The following RDH12 variants were observed in gnomAD, a reference collection of about 807,000 sequenced individuals.
RDH12 encodes retinol dehydrogenase 12, also known as all-trans and 9-cis retinol dehydrogenase.
In RDH12, 21 loss-of-function variants were observed where a neutral mutation model predicts 34.0. The ratio of observed to expected loss-of-function variants is 0.62; its 90% confidence interval spans 0.44 to 0.89. The LOEUF (loss-of-function observed/expected upper bound fraction) is 0.89, where lower values mean the gene tolerates loss of function less well. Ranked by LOEUF, RDH12 falls within the 40% of genes least tolerant of loss-of-function variation. The pLI is 0.00. For synonymous variants in RDH12, 198 were observed against 169.9 expected, an observed-to-expected ratio of 1.17 and a Z score of -1.29; for missense variants, 394 against 398.6, an observed-to-expected ratio of 0.99 and a Z score of 0.10.
intron 8 of RDH12, chr14:67,729,623 C>A (rs2038241311): frequency 1.6e-6 from 1 of 623,064 alleles, no homozygotes; most frequent in Admixed American, 2.6e-5. Context: ...GAAAACTTTG[C>A]AGCTTTCTGA....
intron 2 of RDH12, among the ~76,000 whole-genome samples, chr14:67,722,181 C>T (rs1594863973): frequency 6.6e-6 from 1 of 152,122 alleles, no homozygotes; most frequent in Non-Finnish European, 1.5e-5. Context: ...TGGGAGTTTC[C>T]TTCCCATCCT....
At chr14:67,724,959 G>T in intron 4 of RDH12, 140 bp from the exon 5 acceptor site, 1 of 1,019,476 alleles carries the variant, frequency 9.8e-7, no homozygotes, top group Admixed American at 1.7e-5. Flanking sequence ...TGAAAAGCCC[G>T]AAGTGGCAAT....
In RDH12 at chr14:67,708,651, C is replaced by T. The variant is rs2037976498; in HGVS notation, c.-275+6716C>T. 2.0e-5 allele frequency among the ~76,000 whole-genome samples: 3 copies of T among 152,182 alleles called. No individual in the cohort carries two copies. The South Asian group carries it at 6.2e-4, about 32-fold the overall frequency. On this transcript the variant is annotated intron_variant, in intron 1 of 8. Transcript: ENST00000551171. Reference sequence around the variant, plus strand: ...ACAGGAGTTTCCCATGATTTTGGAACACATACCAGTAACATATTTATACAA... The same window carrying T: ...ACAGGAGTTTCCCATGATTTTGGAATACATACCAGTAACATATTTATACAA...
At chr14:67,724,813 C>T (rs1436126305) in intron 4 of RDH12, among the ~76,000 whole-genome samples, 7 of 152,154 alleles carry the variant, frequency 4.6e-5, no homozygotes, top group Non-Finnish European at 8.8e-5. Context: ...ATAAGGAAAA[C>T]GATGTCTGTG....
intron 1 of RDH12, 132 bp downstream of exon 1, chr14:67,702,067 T>G (rs1257064287): frequency 6.6e-6 from 1 of 152,180 alleles, no homozygotes; most frequent in African/African-American, 2.4e-5. Flanking sequence ...TCCACCTGCC[T>G]TGGCCTCCTA....
chr14:67,704,620 T>C (rs1268429634), intron 1 of RDH12, among the ~76,000 whole-genome samples: 1 of 152,168 alleles, frequency 6.6e-6, no homozygotes. Flanking sequence ...CATTTTAGCT[T>C]TGTGTGAGGA....
chr14:67,703,306 T>C (rs1327163277), intron 1 of RDH12, among the ~76,000 whole-genome samples: 4 of 152,218 alleles, frequency 2.6e-5, no homozygotes, highest in African/African-American at 9.7e-5. Context: ...GGTAAGGTAG[T>C]TCGATGGCAG....
At chr14:67,711,959 G>T (rs1221600686) in intron 1 of RDH12, among the ~76,000 whole-genome samples, 1 of 151,992 alleles carries the variant, frequency 6.6e-6, no homozygotes, top group African/African-American at 2.4e-5. Context: ...TGCTCTTGTT[G>T]CCCAGGCTGA....
At chr14:67,722,226 T>G (rs932260329) in intron 2 of RDH12, among the ~76,000 whole-genome samples, 198 bp from the exon 3 acceptor site, 2 of 152,116 alleles carry the variant, frequency 1.3e-5, no homozygotes, top group Non-Finnish European at 2.9e-5. Flanking sequence ...CATCATGGGG[T>G]TTGTGGCTAA....
intron 2 of RDH12, among the ~76,000 whole-genome samples, chr14:67,721,213 G>C (rs2038119719): frequency 6.6e-6 from 1 of 152,176 alleles, no homozygotes; most frequent in Admixed American, 6.5e-5. Context: ...CTGGGGTCCT[G>C]TCCCAGCTCC....
intron 8 of RDH12, among the ~76,000 whole-genome samples, chr14:67,733,133 T>A (rs2038307013): frequency 1.3e-5 from 2 of 150,968 alleles, no homozygotes; most frequent in Admixed American, 6.6e-5. Context: ...ATAATAAAAT[T>A]AAAAAAAACA....
chr14:67,712,733 C>A (rs2140119601), intron 1 of RDH12, among the ~76,000 whole-genome samples: 1 of 152,166 alleles, frequency 6.6e-6, no homozygotes, highest in Non-Finnish European at 1.5e-5. Context: ...GATTTAGGAA[C>A]CAAACCTAGG....
intron 7 of RDH12, chr14:67,727,467 A>T: frequency 1.9e-5 from 7 of 371,226 alleles, no homozygotes; most frequent in East Asian, 6.4e-5. Context: ...CAACAGACAG[A>T]GGCTTTTTGT....
At chr14:67,710,844 G>A (rs1309749935) in intron 1 of RDH12, among the ~76,000 whole-genome samples, 2 of 151,434 alleles carry the variant, frequency 1.3e-5, no homozygotes, top group African/African-American at 4.9e-5. Context: ...TGATGAATGT[G>A]TCTACAAGTA....
At chr14:67,703,960 G>A (rs1381318594) in intron 1 of RDH12, among the ~76,000 whole-genome samples, 1 of 152,190 alleles carries the variant, frequency 6.6e-6, no homozygotes, top group African/African-American at 2.4e-5. Context: ...TTACAGGCGT[G>A]AGCCACTGTG....
chr14:67,726,449 G>A (rs2038186840), intron 6 of RDH12, among the ~76,000 whole-genome samples: 1 of 152,204 alleles, frequency 6.6e-6, no homozygotes, highest in South Asian at 2.1e-4. Flanking sequence ...GCCAGACCTG[G>A]GGTTATGCAG....
chr14:67,725,166 G>A lies in RDH12; in HGVS notation c.255G>A (p.Val85=). The change falls in exon 5 of 9, where the codon GTG becomes GTA. Residue 85 remains valine (V), a synonymous_variant. Transcript: ENST00000551171. Reference sequence around the variant, plus strand: ...AGTCTGCTGCCAGTGAAATCCGAGTGGATACAAAGAACTCCCAGGTGCTGG... The same window carrying A: ...AGTCTGCTGCCAGTGAAATCCGAGTAGATACAAAGAACTCCCAGGTGCTGG... The part of the protein sequence containing the change: ...KGESAASEIR[V]DTKNSQVLVR... The A allele has an allele frequency of 6.2e-7, 1 of 1,614,138 alleles. No homozygotes were observed. The highest frequency in any genetic ancestry group is 8.5e-7 in the Non-Finnish European group (1 of 1,180,022).
chr14:67,729,268 C>T lies in RDH12; in HGVS notation c.736C>T (p.Leu246=). ...ELVRHSSLLC[L]LWRLFSPFVK... is the part of the protein sequence containing the mutation. ...GGTCCGGCACTCCTCCCTGCTCTGCCTGCTCTGGCGGCTCTTCTCCCCCTT... is the reference window on the plus strand; with the variant it reads ...GGTCCGGCACTCCTCCCTGCTCTGCTTGCTCTGGCGGCTCTTCTCCCCCTT... Residue 246 remains leucine (L), a synonymous_variant, in exon 8 of 9, where the codon CTG becomes TTG. Transcript: ENST00000551171. 6.2e-7 allele frequency: 1 copy of T among 1,607,614 alleles called. No homozygotes were observed. Among genetic ancestry groups the T allele is most frequent in the Non-Finnish European group, 8.5e-7 (1 of 1,179,974 alleles).
chr14:67,712,757 GA>G (rs1268080061), intron 1 of RDH12, among the ~76,000 whole-genome samples: 3 of 152,064 alleles, frequency 2.0e-5, no homozygotes, highest in Non-Finnish European at 2.9e-5. Context: ...TTGTGATAGG[GA>G]AAAAAAGAAG....
Sources: gnomAD v4.1 joint callset for allele counts (sites outside exome capture counted in the v4.1 genomes callset) on GRCh38, gnomAD v4.1.1 for gene constraint, MANE v1.5 for transcripts, NCBI Gene and HGNC (gene_info 2026-07-23, HGNC 2026-07-21) for gene names.